GRM8: variants seen among roughly 807,000 people sequenced by gnomAD.
The protein encoded by GRM8 is glutamate metabotropic receptor 8, also known as metabotropic glutamate receptor 8.
A neutral mutation model predicts 87.2 loss-of-function variants in GRM8; 47 were observed. That is an observed-to-expected ratio of 0.54 (90% CI 0.43 to 0.69). GRM8 has a LOEUF of 0.69. Ranked by LOEUF, GRM8 falls within the 30% of genes least tolerant of loss-of-function variation. The probability of loss-of-function intolerance (pLI) is 0.00; values close to 1 mark genes in which losing one functional copy is unlikely to be tolerated. For synonymous variants in GRM8, 396 were observed against 404.5 expected, an observed-to-expected ratio of 0.98 and a Z score of 0.25; for missense variants, 1,019 against 1,139.2, an observed-to-expected ratio of 0.89 and a Z score of 1.52.
At chr7:126,467,818 C>T (rs900531750) in intron 9 of GRM8, among the ~76,000 whole-genome samples, 2 of 151,886 alleles carry the variant, frequency 1.3e-5, no homozygotes, top group African/African-American at 2.4e-5. Context: ...CAGGCAAAGG[C>T]AGGGGCTTTA....
chr7:127,177,953 C>CA (rs1482787571), intron 2 of GRM8, among the ~76,000 whole-genome samples: 4 of 152,188 alleles, frequency 2.6e-5, no homozygotes, highest in Admixed American at 6.5e-5. Context: ...TCAACACCCA[C>CA]AAAAAAATCA....
chr7:127,032,420 T>C (rs935159405), intron 3 of GRM8, among the ~76,000 whole-genome samples: 1 of 152,098 alleles, frequency 6.6e-6, no homozygotes, highest in African/African-American at 2.4e-5. Context: ...GTGAGCTCTT[T>C]TTGCCCATCC....
intron 3 of GRM8, among the ~76,000 whole-genome samples, chr7:126,939,904 T>A (rs1174360721): frequency 6.6e-6 from 1 of 152,218 alleles, no homozygotes; most frequent in East Asian, 1.9e-4. Context: ...AAGTGATAAT[T>A]ACAGCAATGT....
At chr7:126,703,600 C>T (rs1201915504) in intron 7 of GRM8, among the ~76,000 whole-genome samples, 1 of 152,162 alleles carries the variant, frequency 6.6e-6, no homozygotes, top group African/African-American at 2.4e-5. Flanking sequence ...GTCTTTATCA[C>T]TCAGGCTGAA....
chr7:126,806,111 T>A (rs1051690193), intron 6 of GRM8, among the ~76,000 whole-genome samples: 1 of 152,300 alleles, frequency 6.6e-6, no homozygotes, highest in Non-Finnish European at 1.5e-5. Flanking sequence ...GTGGTGAGTG[T>A]TAAAGTTCTT....
rs144311500 is a variant in GRM8 at position 127,147,166 on chromosome 7, A to G, written c.511-40454T>C. On this transcript the variant is annotated intron_variant, in intron 2 of 10. Coordinates refer to ENST00000339582, the MANE Select transcript of GRM8 (RefSeq NM_000845.3). The stretch of plus-strand genomic sequence containing the variant: ...TAGATTCAACAATATTGAATTTACA[A>G]AAGAATGGTCCAATGAATGAAAGTT... 3.0e-3 allele frequency among the ~76,000 whole-genome samples: 463 copies of G among 152,182 alleles called. 2 individuals carry two copies. Among genetic ancestry groups the G allele is most frequent in the African/African-American group, 0.011 (448 of 41,546 alleles).
intron 2 of GRM8, among the ~76,000 whole-genome samples, chr7:127,134,267 G>A (rs1342565923): frequency 6.6e-6 from 1 of 152,184 alleles, no homozygotes; most frequent in Non-Finnish European, 1.5e-5. Context: ...TGCTCAGAAA[G>A]TTTCCTTCGT....
intron 3 of GRM8, among the ~76,000 whole-genome samples, chr7:127,066,067 C>T (rs111397778): frequency 4.2e-4 from 60 of 143,294 alleles, no homozygotes; most frequent in Admixed American, 1.0e-3. Flanking sequence ...TGACTTTTTT[C>T]CCACAGTGAT....
intron 2 of GRM8, among the ~76,000 whole-genome samples, chr7:127,135,761 T>C (rs924764501): frequency 6.6e-6 from 1 of 151,838 alleles, no homozygotes; most frequent in Non-Finnish European, 1.5e-5. Flanking sequence ...CTAAGAAAAA[T>C]TTAAATATGA....
intron 8 of GRM8, among the ~76,000 whole-genome samples, chr7:126,541,178 T>C (rs1308022581): frequency 6.6e-6 from 1 of 151,948 alleles, no homozygotes; most frequent in East Asian, 1.9e-4. Flanking sequence ...GATGAGGAAA[T>C]GGAACTGCTA....
intron 7 of GRM8, among the ~76,000 whole-genome samples, chr7:126,616,775 G>A (rs1045031944): frequency 8.5e-5 from 13 of 152,146 alleles, no homozygotes; most frequent in Admixed American, 3.3e-4. Flanking sequence ...AGAAAATCTA[G>A]AAGAAATGGA....
intron 2 of GRM8, among the ~76,000 whole-genome samples, chr7:127,109,065 A>G (rs891829197): frequency 2.0e-5 from 3 of 152,080 alleles, no homozygotes; most frequent in Admixed American, 2.0e-4. Flanking sequence ...TATTTCTACC[A>G]CCCGCAAATT....
chr7:127,046,145 G>A (rs1011023312), intron 3 of GRM8, among the ~76,000 whole-genome samples: 5 of 151,882 alleles, frequency 3.3e-5, no homozygotes, highest in African/African-American at 1.2e-4. Flanking sequence ...TTTCAGGTGG[G>A]CGGATCATGA....
intron 7 of GRM8, among the ~76,000 whole-genome samples, chr7:126,657,417 C>G (rs1381379895): frequency 1.3e-5 from 2 of 151,704 alleles, no homozygotes; most frequent in African/African-American, 4.9e-5. Flanking sequence ...TAAAAACAAC[C>G]CCCCCCCAAA....
chr7:126,795,823 C>T (rs766199195), intron 6 of GRM8, among the ~76,000 whole-genome samples: 30 of 151,578 alleles, frequency 2.0e-4, no homozygotes, highest in Non-Finnish European at 3.2e-4. Context: ...GTTGCTGCAG[C>T]CAGTGAAGTT....
At chr7:126,699,921 T>C (rs1809753675) in intron 7 of GRM8, among the ~76,000 whole-genome samples, 1 of 152,224 alleles carries the variant, frequency 6.6e-6, no homozygotes, top group Non-Finnish European at 1.5e-5. Flanking sequence ...GATCTAGGTC[T>C]ATTGATGGAT....
intron 3 of GRM8, among the ~76,000 whole-genome samples, chr7:126,915,805 T>C (rs1349522438): frequency 6.6e-6 from 1 of 152,280 alleles, no homozygotes; most frequent in East Asian, 1.9e-4. Flanking sequence ...GAGGTATCTA[T>C]GGAACTGGGC....
intron 3 of GRM8, among the ~76,000 whole-genome samples, chr7:126,987,711 C>T (rs1812248806): frequency 6.6e-6 from 1 of 152,132 alleles, no homozygotes; most frequent in Admixed American, 6.5e-5. Flanking sequence ...GATTCGCCCG[C>T]CTCGGCCTCC....
intron 7 of GRM8, among the ~76,000 whole-genome samples, chr7:126,691,245 G>A (rs1248879612): frequency 2.0e-5 from 3 of 152,194 alleles, no homozygotes; most frequent in African/African-American, 7.2e-5. Flanking sequence ...TGGTGTGTTA[G>A]TGCTGCCCCA....
Sources: allele counts gnomAD v4.1 joint callset (sites outside exome capture counted in the v4.1 genomes callset), GRCh38; gene constraint gnomAD v4.1.1; transcripts MANE v1.5; gene names NCBI Gene and HGNC (gene_info 2026-07-23, HGNC 2026-07-21).